Variants in MSL2 observed in about 807,000 individuals in gnomAD.
The protein encoded by MSL2 is MSL complex subunit 2.
MSL2 carries 2 observed loss-of-function variants against 35.8 expected under a neutral mutation model. The ratio of observed to expected loss-of-function variants is 0.06; its 90% CI spans 0.02 to 0.18. MSL2 has a LOEUF of 0.18. MSL2 is among the 10% of genes least tolerant of loss of function. The probability of loss-of-function intolerance (pLI) is 1.00; values close to 1 mark genes in which losing one functional copy is unlikely to be tolerated. For synonymous variants in MSL2, 296 were observed against 255.7 expected (o/e 1.16, Z -1.50); for missense variants, 523 against 706.7 (o/e 0.74, Z 2.95).
intron 1 of MSL2, among the ~76,000 whole-genome samples, chr3:136,185,301 TAAAAA>T (rs10571267): frequency 1.9e-5 from 2 of 107,068 alleles, no homozygotes; most frequent in African/African-American, 3.3e-5. Context: ...TTAACAAAGC[TAAAAA>T]AAAAAAAAAA....
intron 1 of MSL2, among the ~76,000 whole-genome samples, chr3:136,191,058 GA>G (rs1940673698): frequency 6.6e-6 from 1 of 152,192 alleles, no homozygotes; most frequent in African/African-American, 2.4e-5. Flanking sequence ...TAATTGACCT[GA>G]TAGTTTAGTC....
rs907452745 is a variant in MSL2 at position 136,171,185 on chromosome 3, G to A, written c.143-18447C>T. On this transcript the variant is annotated intron_variant, in intron 1 of 1. Coordinates refer to ENST00000309993, the MANE Select transcript of MSL2 (RefSeq NM_018133.4). ...CATTGCTGTTTCAAATCAAAAGGAA[G>A]TGTAAAGTTAGTCACTGTTACAAGT... 5.9e-5 allele frequency among the ~76,000 whole-genome samples: 9 copies of A among 152,182 alleles called. No individual in the cohort carries two copies. In the East Asian group the frequency reaches 1.7e-3, roughly 29 times the overall value.
At chr3:136,172,771 G>A (rs1940063232) in intron 1 of MSL2, among the ~76,000 whole-genome samples, 1 of 151,834 alleles carries the variant, frequency 6.6e-6, no homozygotes, top group Admixed American at 6.6e-5. Context: ...CAGTTCAAGA[G>A]CTAATAAAAA....
chr3:136,185,786 G>T (rs1179006938), intron 1 of MSL2, among the ~76,000 whole-genome samples: 1 of 152,090 alleles, frequency 6.6e-6, no homozygotes, highest in Non-Finnish European at 1.5e-5. Context: ...GATTACAGGC[G>T]TGAGCCACCA....
intron 1 of MSL2, among the ~76,000 whole-genome samples, chr3:136,157,227 C>T (rs928756298): frequency 6.6e-6 from 1 of 151,808 alleles, no homozygotes; most frequent in African/African-American, 2.4e-5. Context: ...GGAAGGCGGG[C>T]CGATCACCTG....
chr3:136,148,971 AAAAATGTGG>A lies in MSL2; in HGVS notation c.*2167_*2175del. 6.5e-6 allele frequency: 1 copy of A among 152,708 alleles called. No individual in the cohort carries two copies. The allele number at this position is 152,708 out of a possible 1,614,324, so 9.5% of individuals were successfully genotyped here. A position where few individuals can be genotyped will look rare whatever the true frequency, so the allele number is the denominator to read the frequency against. On this transcript the variant is annotated 3_prime_UTR_variant, in exon 2 of 2. Transcript: ENST00000309993. Reference sequence around the variant, plus strand: ...GATTTAAGGTGTAATACAGGTTTCCAAAAATGTGGCAGTGAGAATACCAGCATAAAAAAG... The same window carrying A: ...GATTTAAGGTGTAATACAGGTTTCCACAGTGAGAATACCAGCATAAAAAAG...
At chr3:136,166,055 G>A (rs1054197603) in intron 1 of MSL2, among the ~76,000 whole-genome samples, 47 of 94,794 alleles carry the variant, frequency 5.0e-4, no homozygotes, top group African/African-American at 1.9e-3. Context: ...TTAAATGTAC[G>A]TACCAGTAAA....
intron 1 of MSL2, among the ~76,000 whole-genome samples, chr3:136,159,197 A>C (rs1559959159): frequency 6.6e-6 from 1 of 152,168 alleles, no homozygotes; most frequent in Non-Finnish European, 1.5e-5. Context: ...TTTACTATAA[A>C]GCCATAGTAA....
chr3:136,149,014 G>A lies in MSL2; in HGVS notation c.*2133C>T, dbSNP rs1939252692. ...ATACCAGCATAAAAAAGAGAAACTT[G>A]TGCTAAAAACAACCTGAATTCATCA... On this transcript the variant is annotated 3_prime_UTR_variant, in exon 2 of 2. Coordinates refer to ENST00000309993, the MANE Select transcript of MSL2 (RefSeq NM_018133.4). 1 of 151,954 alleles carries A rather than the reference G, an allele frequency of 6.6e-6. No individual in the cohort carries two copies. The highest frequency in any genetic ancestry group is 6.6e-5 in the Admixed American group (1 of 15,182). The allele number at this position is 151,954 out of a possible 1,614,324, so 9.4% of individuals were successfully genotyped here. A position where few individuals can be genotyped will look rare whatever the true frequency, so the allele number is the denominator to read the frequency against.
At chr3:136,169,036 A>G (rs1939934140) in intron 1 of MSL2, among the ~76,000 whole-genome samples, 1 of 152,076 alleles carries the variant, frequency 6.6e-6, no homozygotes. Flanking sequence ...ATCAAAAGAC[A>G]GGATGGTAAC....
Position 136,195,702 on chromosome 3 carries a change from A to C in MSL2, c.-589T>G, listed in dbSNP as rs953404244. 7.1e-6 allele frequency: 7 copies of C among 984,986 alleles called. No homozygotes were observed. Among genetic ancestry groups the C allele is most frequent in the African/African-American group, 1.7e-5 (1 of 57,190 alleles). The allele number at this position is 984,986 out of a possible 1,614,324, so 61.0% of individuals were successfully genotyped here. On this transcript the variant is annotated 5_prime_UTR_variant, in exon 1 of 2. Coordinates refer to ENST00000309993, the MANE Select transcript of MSL2 (RefSeq NM_018133.4). ...CGAAGGTTGATGTTGCGGCTGGCGGACGCCGCCGCCGCGCTCTCCATATCG... is the reference window on the plus strand; with the variant it reads ...CGAAGGTTGATGTTGCGGCTGGCGGCCGCCGCCGCCGCGCTCTCCATATCG...
chr3:136,193,324 C>T (rs1289300282), intron 1 of MSL2, among the ~76,000 whole-genome samples: 2 of 151,954 alleles, frequency 1.3e-5, no homozygotes, highest in Non-Finnish European at 1.5e-5. Context: ...CTACCATTTC[C>T]CACTTAAATT....
intron 1 of MSL2, among the ~76,000 whole-genome samples, chr3:136,170,641 T>TGGGA (rs1317346377): frequency 6.6e-6 from 1 of 150,676 alleles, no homozygotes; most frequent in Admixed American, 6.7e-5. Flanking sequence ...CCCGAGTAGC[T>TGGGA]GGGACTACAG....
chr3:136,157,324 T>C (rs570173738), intron 1 of MSL2, among the ~76,000 whole-genome samples: 3 of 151,352 alleles, frequency 2.0e-5, no homozygotes, highest in East Asian at 3.9e-4. Flanking sequence ...CTGGCCAATA[T>C]GGTAAAACCC....
chr3:136,178,003 T>C (rs1050129191), intron 1 of MSL2, among the ~76,000 whole-genome samples: 1 of 152,218 alleles, frequency 6.6e-6, no homozygotes, highest in African/African-American at 2.4e-5. Flanking sequence ...CATGCACTTT[T>C]GACGAATAAG....
At chr3:136,184,606 AAAAC>A (rs1222452995) in intron 1 of MSL2, among the ~76,000 whole-genome samples, 9 of 152,288 alleles carry the variant, frequency 5.9e-5, no homozygotes, top group Non-Finnish European at 8.8e-5. Context: ...CCGTCTCAAA[AAAAC>A]AAACAAACAA....
At chr3:136,156,936 T>G (rs763409535) in intron 1 of MSL2, among the ~76,000 whole-genome samples, 27 of 152,294 alleles carry the variant, frequency 1.8e-4, no homozygotes, top group Middle Eastern at 3.4e-3. Context: ...GAAGAGAAAA[T>G]GTTCACAATA....
chr3:136,180,993 T>TA lies in MSL2; in HGVS notation c.142+13978dup, dbSNP rs550242990. Among the ~76,000 whole-genome samples, 499 of 126,946 alleles carry TA rather than the reference T, an allele frequency of 3.9e-3. 3 individuals carry two copies. The highest frequency in any genetic ancestry group is 8.6e-3 in the African/African-American group (296 of 34,460). 83.3% of individuals were successfully genotyped at this position (126,946 alleles called of 152,430 possible). On this transcript the variant is annotated intron_variant, in intron 1 of 1. Coordinates refer to ENST00000309993, the MANE Select transcript of MSL2 (RefSeq NM_018133.4). The stretch of plus-strand genomic sequence containing the variant: ...GTAGTGAAATTCTGACTCTATTAAA[T>TA]AAAAAAAAAAAAAATCAGGCATGGT...
intron 1 of MSL2, among the ~76,000 whole-genome samples, chr3:136,184,582 G>A (rs897716009): frequency 6.6e-6 from 1 of 152,052 alleles, no homozygotes; most frequent in Non-Finnish European, 1.5e-5. Context: ...CAGCCTGGAC[G>A]ACAGAGCGAG....
Sources: gnomAD v4.1 joint callset for allele counts (sites outside exome capture counted in the v4.1 genomes callset) on GRCh38, gnomAD v4.1.1 for gene constraint, MANE v1.5 for transcripts, NCBI Gene and HGNC (gene_info 2026-07-23, HGNC 2026-07-21) for gene names.